SLC8A3: variants seen among roughly 807,000 people sequenced by gnomAD.
SLC8A3 encodes the protein sodium/calcium exchanger 3.
SLC8A3 carries 37 observed loss-of-function variants against 65.4 expected under a neutral mutation model. That is an observed-to-expected ratio of 0.57 (90% CI 0.44 to 0.74). The LOEUF (loss-of-function observed/expected upper bound fraction) is 0.74. SLC8A3 is among the 30% of genes least tolerant of loss of function. The pLI, the probability that SLC8A3 is intolerant of heterozygous loss-of-function variation, is 0.00. For missense variants in SLC8A3, 1,112 were observed against 1,172.1 expected, an observed-to-expected ratio of 0.95 and a Z score of 0.75; for synonymous variants, 461 against 444.5, an observed-to-expected ratio of 1.04 and a Z score of -0.47.
chr14:70,074,191 A>G (rs1425117142), intron 2 of SLC8A3, among the ~76,000 whole-genome samples: 1 of 152,198 alleles, frequency 6.6e-6, no homozygotes, highest in Non-Finnish European at 1.5e-5. Flanking sequence ...TACAGGTTGC[A>G]TGTTAGCTAC....
At chr14:70,186,536 T>C (rs1883233197) in intron 1 of SLC8A3, among the ~76,000 whole-genome samples, 2 of 152,154 alleles carry the variant, frequency 1.3e-5, no homozygotes, top group Non-Finnish European at 2.9e-5. Context: ...GGCCTTCCCT[T>C]CTCCATCAAG....
intron 2 of SLC8A3, among the ~76,000 whole-genome samples, chr14:70,120,956 C>G (rs1392188533): frequency 6.6e-6 from 1 of 152,090 alleles, no homozygotes; most frequent in African/African-American, 2.4e-5. Context: ...CATTTCTAGG[C>G]ATCTTCCTCT....
chr14:70,101,185 A>G (rs1892527142), intron 2 of SLC8A3, among the ~76,000 whole-genome samples: 3 of 152,248 alleles, frequency 2.0e-5, no homozygotes. Flanking sequence ...GAGGGCAGAC[A>G]GACATAAAAT....
At chr14:70,176,650 C>A (rs769046259) in intron 1 of SLC8A3, among the ~76,000 whole-genome samples, 1 of 152,222 alleles carries the variant, frequency 6.6e-6, no homozygotes, top group African/African-American at 2.4e-5. Flanking sequence ...CATTTCTATG[C>A]GCTGGACAAA....
chr14:70,100,062 C>T (rs1892462861), intron 2 of SLC8A3, among the ~76,000 whole-genome samples: 1 of 152,174 alleles, frequency 6.6e-6, no homozygotes, highest in Admixed American at 6.6e-5. Context: ...TAGTACAAAG[C>T]CACTTTGGCC....
chr14:70,102,147 C>T (rs955144672), intron 2 of SLC8A3, among the ~76,000 whole-genome samples: 1 of 152,138 alleles, frequency 6.6e-6, no homozygotes, highest in African/African-American at 2.4e-5. Flanking sequence ...ATAGGTAAGA[C>T]CATGTCAAGA....
At chr14:70,169,202 A>G (rs1439487646) in intron 1 of SLC8A3, among the ~76,000 whole-genome samples, 1 of 152,212 alleles carries the variant, frequency 6.6e-6, no homozygotes, top group African/African-American at 2.4e-5. Context: ...CCCGAATGCA[A>G]GACTTCTGGA....
At chr14:70,138,381 GGAAA>G (rs1895356251) in intron 2 of SLC8A3, among the ~76,000 whole-genome samples, 1 of 152,186 alleles carries the variant, frequency 6.6e-6, no homozygotes, top group Non-Finnish European at 1.5e-5. Context: ...GTTGACCAAA[GGAAA>G]GAAAGAAAGA....
Position 70,064,433 on chromosome 14 carries a change from A to G in SLC8A3, c.1785-3494T>C, listed in dbSNP as rs1889175884. On this transcript the variant is annotated intron_variant, in intron 2 of 6. Transcript: ENST00000356921. The stretch of plus-strand genomic sequence containing the variant: ...TCCAAATGGTTTATTTCATGAAAGC[A>G]GAAAGGGACAAACTGGTTTGTGGAA... Among the ~76,000 whole-genome samples, 3 of 152,128 alleles carry G rather than the reference A, an allele frequency of 2.0e-5. No homozygotes were observed. The South Asian group carries it at 6.2e-4, about 32-fold the overall frequency.
Position 70,167,466 on chromosome 14 carries a change from A to C in SLC8A3, c.957T>G (p.Ile319Met), listed in dbSNP as rs1897242320. Reference sequence around the variant, plus strand: ...GGTGTTTTTGCTTCAGATCCTTGAGAATCCGGATCATCTCTCTGCGGGACT... The same window carrying C: ...GGTGTTTTTGCTTCAGATCCTTGAGCATCCGGATCATCTCTCTGCGGGACT... ...VDESRREMIR[I>M]LKDLKQKHPE... is the part of the protein sequence containing the mutation. The change falls in exon 2 of 7, where the codon ATT becomes ATG. Residue 319 changes from isoleucine to methionine, a missense_variant. By Grantham distance (10) the Ile-to-Met change is conservative. Coordinates refer to ENST00000356921, the MANE Select transcript of SLC8A3 (RefSeq NM_182932.3). 6.2e-7 allele frequency: 1 copy of C among 1,614,096 alleles called. No individual in the cohort carries two copies. The highest frequency in any genetic ancestry group is 2.2e-5 in the East Asian group (1 of 44,878).
intron 1 of SLC8A3, among the ~76,000 whole-genome samples, chr14:70,169,697 G>T (rs530951353): frequency 6.9e-6 from 1 of 145,788 alleles, no homozygotes; most frequent in Admixed American, 6.8e-5. Context: ...AAAGTGGGGG[G>T]GGGGGCGATC....
chr14:70,098,189 T>C (rs1171780465), intron 2 of SLC8A3, among the ~76,000 whole-genome samples: 2 of 152,194 alleles, frequency 1.3e-5, no homozygotes, highest in Non-Finnish European at 2.9e-5. Context: ...GGGCTTCCAG[T>C]GGGAAGAGCT....
At chr14:70,166,522 C>T in intron 2 of SLC8A3, 117 bp downstream of exon 2, 1 of 669,522 alleles carries the variant, frequency 1.5e-6, no homozygotes, top group Non-Finnish European at 2.6e-6. Context: ...TGTGATGGAA[C>T]CAAAGTTTGA....
At chr14:70,154,942 CAGAG>C (rs1896486163) in intron 2 of SLC8A3, among the ~76,000 whole-genome samples, 1 of 126,174 alleles carries the variant, frequency 7.9e-6, no homozygotes, top group African/African-American at 3.0e-5. Context: ...TTTTTTGAGA[CAGAG>C]TGTCACTCTG....
At chr14:70,181,126 G>A (rs1251455464) in intron 1 of SLC8A3, among the ~76,000 whole-genome samples, 3 of 152,300 alleles carry the variant, frequency 2.0e-5, no homozygotes, top group Middle Eastern at 3.4e-3. Context: ...CTCTTTTGAT[G>A]GATAAGGAAT....
chr14:70,056,715 G>A (rs1284181973), intron 3 of SLC8A3, among the ~76,000 whole-genome samples: 1 of 152,144 alleles, frequency 6.6e-6, no homozygotes, highest in Non-Finnish European at 1.5e-5. Context: ...CAGAGTTCAG[G>A]TATTCTGGAA....
chr14:70,175,737 CTTT>C (rs537283424), intron 1 of SLC8A3, among the ~76,000 whole-genome samples: 8 of 126,782 alleles, frequency 6.3e-5, no homozygotes, highest in Admixed American at 1.6e-4. Flanking sequence ...TTTTTTTTTT[CTTT>C]TTTTTTTTTT....
chr14:70,070,131 T>C (rs1249278184), intron 2 of SLC8A3, among the ~76,000 whole-genome samples: 2 of 152,204 alleles, frequency 1.3e-5, no homozygotes, highest in East Asian at 3.8e-4. Flanking sequence ...AGAGGGACTT[T>C]GGAGTACATC....
chr14:70,182,227 T>C (rs979355669), intron 1 of SLC8A3, among the ~76,000 whole-genome samples: 1 of 152,112 alleles, frequency 6.6e-6, no homozygotes, highest in African/African-American at 2.4e-5. Flanking sequence ...AGGACAAAGA[T>C]GATGTCAGGT....
Sources: gnomAD v4.1 joint callset for allele counts (sites outside exome capture counted in the v4.1 genomes callset) on GRCh38, gnomAD v4.1.1 for gene constraint, MANE v1.5 for transcripts, NCBI Gene and HGNC (gene_info 2026-07-23, HGNC 2026-07-21) for gene names.